The following LDB2 variants were observed in gnomAD, a reference collection of about 807,000 sequenced individuals.
LDB2 encodes LIM domain-binding protein 2.
A neutral mutation model predicts 44.3 loss-of-function variants in LDB2; 12 were observed. The ratio of observed to expected loss-of-function variants is 0.27; its 90% confidence interval spans 0.17 to 0.44. The LOEUF (loss-of-function observed/expected upper bound fraction) is 0.44. Among genes scored for constraint, LDB2 ranks in the 20% least tolerant of loss-of-function variants. LDB2 has a pLI of 1.00. For synonymous variants in LDB2, 164 were observed against 174.8 expected (o/e 0.94, Z 0.49); for missense variants, 344 against 473.5 (o/e 0.73, Z 2.54).
intron 5 of LDB2, among the ~76,000 whole-genome samples, chr4:16,557,076 T>A (rs1245431280): frequency 6.6e-6 from 1 of 152,196 alleles, no homozygotes. Context: ...AGAAGATAGA[T>A]CTCGATATAG....
intron 5 of LDB2, among the ~76,000 whole-genome samples, chr4:16,563,005 G>A (rs1045902048): frequency 1.4e-4 from 21 of 150,348 alleles, no homozygotes; most frequent in Admixed American, 4.0e-4. Context: ...TCATAGGTGG[G>A]AATTGAACAA....
intron 1 of LDB2, among the ~76,000 whole-genome samples, chr4:16,896,124 A>C (rs191152826): frequency 2.0e-5 from 3 of 152,300 alleles, no homozygotes; most frequent in East Asian, 3.9e-4. Flanking sequence ...CACACCAGAA[A>C]ACAGTTCATA....
intron 1 of LDB2, among the ~76,000 whole-genome samples, chr4:16,760,589 C>T (rs779986628): frequency 1.3e-5 from 2 of 152,024 alleles, no homozygotes; most frequent in Non-Finnish European, 2.9e-5. Context: ...CTTTCAGAAA[C>T]AAATATGTAT....
chr4:16,650,551 AAAACAAC>A (rs1737996796), intron 2 of LDB2, among the ~76,000 whole-genome samples: 3 of 152,240 alleles, frequency 2.0e-5, no homozygotes, highest in Admixed American at 2.0e-4. Context: ...ATACAACTTA[AAAACAAC>A]TGTGTTCTGG....
intron 1 of LDB2, among the ~76,000 whole-genome samples, chr4:16,782,201 G>A (rs372851300): frequency 2.8e-4 from 43 of 152,228 alleles, no homozygotes; most frequent in African/African-American, 1.0e-3. Flanking sequence ...TCTCACATCA[G>A]GCCGCAATGC....
intron 2 of LDB2, among the ~76,000 whole-genome samples, chr4:16,604,423 T>C (rs1723368916): frequency 1.3e-5 from 2 of 151,358 alleles, no homozygotes. Flanking sequence ...TAGATTCTCC[T>C]TTCCTATATA....
chr4:16,713,515 T>C (rs773916591), intron 2 of LDB2, among the ~76,000 whole-genome samples: 4 of 152,134 alleles, frequency 2.6e-5, no homozygotes, highest in Admixed American at 6.6e-5. Context: ...ACAATGGAGA[T>C]TGCTAACCTC....
intron 1 of LDB2, among the ~76,000 whole-genome samples, chr4:16,850,777 G>A (rs142895554): frequency 6.6e-6 from 1 of 152,190 alleles, no homozygotes; most frequent in Non-Finnish European, 1.5e-5. Context: ...CATAGGAAAA[G>A]AACAAGATGG....
At chr4:16,544,132 C>G (rs1734861786) in intron 5 of LDB2, among the ~76,000 whole-genome samples, 1 of 152,152 alleles carries the variant, frequency 6.6e-6, no homozygotes, top group African/African-American at 2.4e-5. Flanking sequence ...AACAGAGGAT[C>G]ATAAGCAGTG....
rs531586609 is a variant in LDB2, at chr4:16,759,236, C to T, written c.157G>A (p.Ala53Thr). The T allele has an allele frequency of 1.7e-5, 28 of 1,613,528 alleles. No individual in the cohort carries two copies. Among genetic ancestry groups the T allele is most frequent in the South Asian group, 1.5e-4 (14 of 91,072 alleles). Residue 53 changes from alanine (A) to threonine (T), a missense_variant, in exon 2 of 8, where the codon GCC becomes ACC. Around this residue, in one of 3 missense-constraint regions of LDB2, gnomAD observed 226 missense variants for 270.1 expected, o/e 0.84. Coordinates refer to ENST00000304523, the MANE Select transcript of LDB2 (RefSeq NM_001290.5). Reference protein sequence around the residue: ...TEDSDNLWWDAFATEFFEDDA... With the variant: ...TEDSDNLWWDTFATEFFEDDA... The stretch of plus-strand genomic sequence containing the variant: ...TCTTCAAAAAATTCAGTGGCAAAGG[C>T]GTCCCACCAGAGGTTGTCACTATCC...
Position 16,712,398 on chromosome 4 carries a change from G to A in LDB2, c.235+46760C>T, listed in dbSNP as rs1020957532. ...GAAACCCCGTCTCTACTAAAAATTT[G>A]AAAATTAGCTGGGCATGGTGGCAAG... is the stretch of plus-strand genomic sequence containing the variant. On this transcript the variant is annotated intron_variant, in intron 2 of 7. Coordinates refer to ENST00000304523, the MANE Select transcript of LDB2 (RefSeq NM_001290.5). Among the ~76,000 whole-genome samples the A allele has an allele frequency of 1.1e-4, 17 of 151,826 alleles. No individual in the cohort carries two copies. The East Asian group carries it at 1.9e-3, about 17-fold the overall frequency.
chr4:16,851,251 C>T (rs1365228136), intron 1 of LDB2, among the ~76,000 whole-genome samples: 1 of 151,866 alleles, frequency 6.6e-6, no homozygotes, highest in Non-Finnish European at 1.5e-5. Context: ...CATATGCTCT[C>T]ACAAGCAGGT....
chr4:16,723,617 C>A (rs1004159859), intron 2 of LDB2, among the ~76,000 whole-genome samples: 1 of 152,142 alleles, frequency 6.6e-6, no homozygotes, highest in Non-Finnish European at 1.5e-5. Flanking sequence ...TACCTCCAAA[C>A]TGTCTTCTCT....
intron 5 of LDB2, among the ~76,000 whole-genome samples, chr4:16,553,894 G>C (rs1367171310): frequency 6.6e-6 from 1 of 152,096 alleles, no homozygotes; most frequent in African/African-American, 2.4e-5. Context: ...CACATAGCTA[G>C]TGACTGGCCA....
At chr4:16,546,834 T>G (rs555794613) in intron 5 of LDB2, among the ~76,000 whole-genome samples, 1 of 152,204 alleles carries the variant, frequency 6.6e-6, no homozygotes, top group Non-Finnish European at 1.5e-5. Context: ...CAGCTTCTGA[T>G]AGCTGCTTAT....
intron 2 of LDB2, among the ~76,000 whole-genome samples, chr4:16,718,206 T>C (rs1757492424): frequency 6.6e-6 from 1 of 151,976 alleles, no homozygotes; most frequent in South Asian, 2.1e-4. Flanking sequence ...TTGTACAAGG[T>C]ACTGGGGAAA....
intron 5 of LDB2, among the ~76,000 whole-genome samples, chr4:16,578,020 A>T (rs1167623321): frequency 6.6e-6 from 1 of 152,216 alleles, no homozygotes; most frequent in Non-Finnish European, 1.5e-5. Flanking sequence ...TATGCAGAAG[A>T]ATGAAATTAG....
At chr4:16,612,810 C>A (rs2152467360) in intron 2 of LDB2, among the ~76,000 whole-genome samples, 1 of 152,282 alleles carries the variant, frequency 6.6e-6, no homozygotes, top group South Asian at 2.1e-4. Context: ...TGAAACTATT[C>A]CAAACAGCTG....
At chr4:16,852,850 G>A (rs2110197249) in intron 1 of LDB2, among the ~76,000 whole-genome samples, 1 of 152,258 alleles carries the variant, frequency 6.6e-6, no homozygotes, top group South Asian at 2.1e-4. Context: ...AGTGGTTACT[G>A]TACCCTGGAT....
Sources: allele counts gnomAD v4.1 joint callset (sites outside exome capture counted in the v4.1 genomes callset), GRCh38; gene constraint gnomAD v4.1.1; regional missense constraint gnomAD v4.1.1; transcripts MANE v1.5; gene names NCBI Gene and HGNC (gene_info 2026-07-23, HGNC 2026-07-21).